Variants in NRIP1 observed in about 807,000 individuals in gnomAD.
NRIP1 encodes nuclear receptor-interacting protein 1.
In NRIP1, 28 loss-of-function variants were observed where a neutral mutation model predicts 75.0. The observed-to-expected ratio is 0.37, with a 90% CI of 0.28 to 0.51. NRIP1 has a LOEUF of 0.51. NRIP1 is among the 20% of genes least tolerant of loss of function. NRIP1 has a pLI of 0.92. For synonymous variants in NRIP1, 526 were observed against 487.6 expected (o/e 1.08, Z -1.04); for missense variants, 1,435 against 1,343.7 (o/e 1.07, Z -1.06).
At chr21:15,039,073 ATTGTGT>A (rs2147302647) in intron 2 of NRIP1, among the ~76,000 whole-genome samples, 1 of 152,246 alleles carries the variant, frequency 6.6e-6, no homozygotes, top group South Asian at 2.1e-4. Context: ...TCCGTTTTGA[ATTGTGT>A]GGTCACCAGG....
chr21:14,980,008 T>C (rs1378979850), intron 3 of NRIP1, among the ~76,000 whole-genome samples: 1 of 152,228 alleles, frequency 6.6e-6, no homozygotes, highest in Non-Finnish European at 1.5e-5. Context: ...TAGTATGCTC[T>C]GCAATGCCTT....
intron 3 of NRIP1, chr21:14,987,945 C>T (rs559229325): frequency 6.6e-6 from 1 of 152,156 alleles, no homozygotes; most frequent in Admixed American, 6.6e-5. Context: ...TATTCAATTG[C>T]CACAGACTGT....
In NRIP1 at chr21:15,062,737, AAACT is replaced by A. The variant is rs371066778; in HGVS notation, c.-538+2004_-538+2007del. Reference sequence around the variant, plus strand: ...AATTTAAGCAAACTTCATGAGCAATAAACTAACAAACAGACTCTAGGTGGTGGTA... The same window carrying A: ...AATTTAAGCAAACTTCATGAGCAATAAACAAACAGACTCTAGGTGGTGGTA... On this transcript the variant is annotated intron_variant, in intron 1 of 3. Coordinates refer to ENST00000318948, the MANE Select transcript of NRIP1 (RefSeq NM_003489.4). 6.3e-4 allele frequency among the ~76,000 whole-genome samples: 96 copies of A among 152,322 alleles called. 2 individuals carry two copies. The South Asian group carries it at 0.019, about 31-fold the overall frequency.
chr21:15,024,313 T>C lies in NRIP1; in HGVS notation c.-457-9847A>G, dbSNP rs529719742. On this transcript the variant is annotated intron_variant, in intron 2 of 3. Transcript: ENST00000318948. ...ATCCCAGCACTTTGGGAGGCTAAGG[T>C]GGGTGGATCATTTGAGGTCAGGAGT... Among the ~76,000 whole-genome samples the C allele has an allele frequency of 2.6e-5, 4 of 152,076 alleles. No individual in the cohort carries two copies. In the South Asian group the frequency reaches 8.3e-4, roughly 32 times the overall value.
At chr21:15,020,296 C>T (rs1198722588) in intron 2 of NRIP1, among the ~76,000 whole-genome samples, 1 of 152,074 alleles carries the variant, frequency 6.6e-6, no homozygotes, top group African/African-American at 2.4e-5. Flanking sequence ...GAATAAACTC[C>T]CATTCATAGT....
chr21:14,967,835 C>T lies in NRIP1; in HGVS notation c.358G>A (p.Val120Ile). ...VKKEALLAGM[V>I]DSVPKGKQDS... ...TGTTTGCCTTTAGGCACACTGTCAA[C>T]CATGCCAGCTAGCAAAGCTTCCTTC... Residue 120 changes from valine (V) to isoleucine (I), a missense_variant, in exon 4 of 4, where the codon GTT becomes ATT. Val to Ile is a conservative substitution (Grantham distance 29). Transcript: ENST00000318948. 1.9e-6 allele frequency: 3 copies of T among 1,614,006 alleles called. No individual in the cohort carries two copies. The highest frequency in any genetic ancestry group is 2.2e-5 in the South Asian group (2 of 91,074).
At chr21:15,056,755 C>A (rs925213675) in intron 1 of NRIP1, among the ~76,000 whole-genome samples, 12 of 152,230 alleles carry the variant, frequency 7.9e-5, no homozygotes, top group Admixed American at 1.3e-4. Flanking sequence ...TATGTTTACA[C>A]GTCTTATTAT....
Position 14,968,184 on chromosome 21 carries a change from A to G in NRIP1, c.9T>C (p.His3=), listed in dbSNP as rs781710272. ...GCACATCAGAGCCAAGCTCTTCTCCATGAGTCATGTTCAATAGAAGTGTTC... is the reference window on the plus strand; with the variant it reads ...GCACATCAGAGCCAAGCTCTTCTCCGTGAGTCATGTTCAATAGAAGTGTTC... MT[H]GEELGSDVHQ... Residue 3 remains histidine, a synonymous_variant, in exon 4 of 4, where the codon CAT becomes CAC. Transcript: ENST00000318948. 1.7e-5 allele frequency: 28 copies of G among 1,607,964 alleles called. No homozygotes were observed. The highest frequency in any genetic ancestry group is 2.3e-5 in the Non-Finnish European group (27 of 1,176,784).
chr21:15,031,899 TCA>T (rs1363773096), intron 2 of NRIP1, among the ~76,000 whole-genome samples: 4 of 150,618 alleles, frequency 2.7e-5, no homozygotes, highest in African/African-American at 4.9e-5. Context: ...GGTTGGAGGT[TCA>T]CCACATTCCC....
chr21:15,019,900 A>G (rs962874895), intron 2 of NRIP1, among the ~76,000 whole-genome samples: 1 of 152,154 alleles, frequency 6.6e-6, no homozygotes, highest in African/African-American at 2.4e-5. Flanking sequence ...ACGGTGGCTC[A>G]CGCCTGCAAT....
intron 3 of NRIP1, among the ~76,000 whole-genome samples, chr21:15,001,611 A>C (rs1427811274): frequency 1.3e-5 from 2 of 151,344 alleles, no homozygotes; most frequent in East Asian, 3.9e-4. Context: ...CAACCGAATA[A>C]AACAGTATAA....
At chr21:15,002,655 A>C (rs779198512) in intron 3 of NRIP1, among the ~76,000 whole-genome samples, 1 of 152,182 alleles carries the variant, frequency 6.6e-6, no homozygotes, top group Non-Finnish European at 1.5e-5. Context: ...GTTTTTCCAG[A>C]AACGAGAATC....
At chr21:14,975,586 C>G (rs141927061) in intron 3 of NRIP1, among the ~76,000 whole-genome samples, 1 of 145,762 alleles carries the variant, frequency 6.9e-6, no homozygotes, top group African/African-American at 2.6e-5. Flanking sequence ...TACTGTACAC[C>G]GCATTCTAGC....
At chr21:15,014,493 G>C (rs2088179291) in intron 2 of NRIP1, 27 bp from the exon 3 acceptor site, 1 of 398,284 alleles carries the variant, frequency 2.5e-6, no homozygotes, top group Middle Eastern at 6.3e-4. Flanking sequence ...AGATAGTTTG[G>C]CATCTATTCC....
In NRIP1 at chr21:14,963,545, G is replaced by C. The variant is rs1489222821; in HGVS notation, c.*1171C>G. The C allele has an allele frequency of 1.3e-5, 2 of 152,468 alleles. No homozygotes were observed. Among genetic ancestry groups the C allele is most frequent in the Non-Finnish European group, 2.9e-5 (2 of 67,996 alleles). 9.4% of individuals were successfully genotyped at this position (152,468 alleles called of 1,614,324 possible). ...TTGAGCTGATGTGTGACTGTATTGG[G>C]GAAAATAGAGGCATCACATAGTTTT... On this transcript the variant is annotated 3_prime_UTR_variant, in exon 4 of 4. Coordinates refer to ENST00000318948, the MANE Select transcript of NRIP1 (RefSeq NM_003489.4).
At chr21:15,021,713 C>A (rs1223692739) in intron 2 of NRIP1, among the ~76,000 whole-genome samples, 1 of 121,102 alleles carries the variant, frequency 8.3e-6, no homozygotes, top group African/African-American at 4.6e-5. Context: ...AGAAAAAAAA[C>A]ATTAAAAGGT....
At chr21:15,014,575 C>T (rs1252619284) in intron 2 of NRIP1, 109 bp from the exon 3 acceptor site, 3 of 396,834 alleles carry the variant, frequency 7.6e-6, no homozygotes, top group Non-Finnish European at 1.3e-5. Flanking sequence ...AAGTTCAATG[C>T]AAAAGTAGTC....
intron 1 of NRIP1, among the ~76,000 whole-genome samples, chr21:15,055,761 C>G (rs1029625365): frequency 6.6e-6 from 1 of 152,042 alleles, no homozygotes. Context: ...CTAGGTCTAC[C>G]CAACTGCTAG....
chr21:14,963,414 C>T lies in NRIP1; in HGVS notation c.*1302G>A, dbSNP rs1319964405. 1 of 152,396 alleles carries T rather than the reference C, an allele frequency of 6.6e-6. No homozygotes were observed. The highest frequency in any genetic ancestry group is 1.5e-5 in the Non-Finnish European group (1 of 67,964). The allele number at this position is 152,396 out of a possible 1,614,324, so 9.4% of individuals were successfully genotyped here. A position where few individuals can be genotyped will look rare whatever the true frequency, so the allele number is the denominator to read the frequency against. On this transcript the variant is annotated 3_prime_UTR_variant, in exon 4 of 4. Transcript: ENST00000318948. The stretch of plus-strand genomic sequence containing the variant: ...TCACAGATTTTCCTGAGATGTTGAG[C>T]CAGATATGAAAGTTATCCCCTCCAC...
Sources: allele counts gnomAD v4.1 joint callset (sites outside exome capture counted in the v4.1 genomes callset), GRCh38; gene constraint gnomAD v4.1.1; transcripts MANE v1.5; gene names NCBI Gene and HGNC (gene_info 2026-07-23, HGNC 2026-07-21).